The following EBF1 variants were observed in gnomAD, a reference collection of about 807,000 sequenced individuals.
EBF1 encodes the protein transcription factor COE1.
In EBF1, 10 loss-of-function variants were observed where a neutral mutation model predicts 68.4. The observed-to-expected ratio is 0.15, with a 90% CI of 0.09 to 0.25. The LOEUF (loss-of-function observed/expected upper bound fraction) is 0.25, where lower values mean the gene tolerates loss of function less well. Among genes scored for constraint, EBF1 ranks in the 10% least tolerant of loss-of-function variants. The pLI is 1.00. For missense variants in EBF1, 509 were observed against 794.4 expected, an observed-to-expected ratio of 0.64 and a Z score of 4.32; for synonymous variants, 298 against 299.8, an observed-to-expected ratio of 0.99 and a Z score of 0.06.
At chr5:158,935,322 C>G (rs1811757290) in intron 6 of EBF1, among the ~76,000 whole-genome samples, 2 of 152,162 alleles carry the variant, frequency 1.3e-5, no homozygotes, top group Admixed American at 6.5e-5. Context: ...CCAGAGGCAC[C>G]AAGGAGCTGA....
chr5:158,801,481 GA>G (rs1483321611), intron 8 of EBF1, among the ~76,000 whole-genome samples: 1 of 151,980 alleles, frequency 6.6e-6, no homozygotes, highest in Non-Finnish European at 1.5e-5. Context: ...CGTGCTGGGG[GA>G]ATTGCTGAGA....
chr5:159,071,523 GCCA>G (rs1458840468), intron 6 of EBF1, among the ~76,000 whole-genome samples: 2 of 152,182 alleles, frequency 1.3e-5, no homozygotes, highest in Non-Finnish European at 2.9e-5. Flanking sequence ...AACAATAGAA[GCCA>G]CACTAATGCA....
intron 14 of EBF1, 147 bp downstream of exon 14, chr5:158,712,007 T>C: frequency 1.1e-6 from 1 of 921,812 alleles, no homozygotes; most frequent in Non-Finnish European, 1.6e-6. Context: ...CGATGGTGCC[T>C]TTAGCACCAT....
chr5:158,862,653 A>G (rs1795165756), intron 6 of EBF1, among the ~76,000 whole-genome samples: 1 of 152,206 alleles, frequency 6.6e-6, no homozygotes, highest in Non-Finnish European at 1.5e-5. Flanking sequence ...CCACCAAGAT[A>G]CCATGTCCAA....
At chr5:158,944,726 A>C (rs1241733098) in intron 6 of EBF1, among the ~76,000 whole-genome samples, 1 of 152,134 alleles carries the variant, frequency 6.6e-6, no homozygotes. Flanking sequence ...CCTCTCCACC[A>C]TCTGTTGTTT....
intron 8 of EBF1, among the ~76,000 whole-genome samples, chr5:158,807,205 G>A (rs1781745634): frequency 6.6e-6 from 1 of 152,118 alleles, no homozygotes; most frequent in Non-Finnish European, 1.5e-5. Flanking sequence ...ACTAGGAACT[G>A]TGCTAGGAAC....
At chr5:158,884,298 C>T (rs1799550266) in intron 6 of EBF1, among the ~76,000 whole-genome samples, 1 of 152,028 alleles carries the variant, frequency 6.6e-6, no homozygotes, top group South Asian at 2.1e-4. Context: ...AGAGAGATCT[C>T]GGTTTATTCC....
chr5:158,844,164 A>G (rs540944088), intron 6 of EBF1, among the ~76,000 whole-genome samples: 1 of 150,196 alleles, frequency 6.7e-6, no homozygotes, highest in Non-Finnish European at 1.5e-5. Context: ...CCTGACCAGG[A>G]TCAAACTCCT....
At position 158,793,193 on chromosome 5, in the gene EBF1, C is replaced by T. The variant is rs573027393; in HGVS notation, c.909+3152G>A. ...GGTGAGAATCCCACAAGAGCACTAC[C>T]AAACATTTATCATATTGCCTGGCAG... On this transcript the variant is annotated intron_variant, in intron 9 of 15. Coordinates refer to ENST00000313708, the MANE Select transcript of EBF1 (RefSeq NM_024007.5). 3.3e-5 allele frequency among the ~76,000 whole-genome samples: 5 copies of T among 152,248 alleles called. No homozygotes were observed. The South Asian group carries it at 1.0e-3, about 32-fold the overall frequency.
At chr5:158,724,979 G>A (rs1311745749) in intron 11 of EBF1, among the ~76,000 whole-genome samples, 1 of 152,190 alleles carries the variant, frequency 6.6e-6, no homozygotes, top group Non-Finnish European at 1.5e-5. Flanking sequence ...GCCAGCAGAG[G>A]TGAAAATGAT....
At chr5:158,731,250 C>T in intron 10 of EBF1, 93 bp from the exon 11 acceptor site, 1 of 1,198,360 alleles carries the variant, frequency 8.3e-7, no homozygotes, top group Non-Finnish European at 1.2e-6. Flanking sequence ...ACCAGGAAGT[C>T]CAAAGTTTAA....
intron 6 of EBF1, among the ~76,000 whole-genome samples, chr5:159,041,402 T>C (rs1262919830): frequency 1.3e-5 from 2 of 152,220 alleles, no homozygotes; most frequent in Non-Finnish European, 2.9e-5. Flanking sequence ...TTTAAGGGAA[T>C]ATATATACTT....
chr5:158,837,568 T>C (rs960719784), intron 7 of EBF1, among the ~76,000 whole-genome samples: 2 of 152,232 alleles, frequency 1.3e-5, no homozygotes, highest in African/African-American at 4.8e-5. Flanking sequence ...CTCAGCAGCC[T>C]TTCTACTAAA....
intron 6 of EBF1, among the ~76,000 whole-genome samples, chr5:158,888,198 T>C (rs961723001): frequency 6.6e-6 from 1 of 152,186 alleles, no homozygotes; most frequent in Non-Finnish European, 1.5e-5. Flanking sequence ...TTTTCCGTTT[T>C]TCCTAGTTGG....
At chr5:158,892,563 C>A (rs1253673729) in intron 6 of EBF1, among the ~76,000 whole-genome samples, 2 of 152,172 alleles carry the variant, frequency 1.3e-5, no homozygotes, top group Non-Finnish European at 2.9e-5. Flanking sequence ...CCACTCCTGG[C>A]CTCATGCGAT....
chr5:158,983,624 A>G (rs1020849254), intron 6 of EBF1: 10 of 152,250 alleles, frequency 6.6e-5, no homozygotes, highest in African/African-American at 2.2e-4. Context: ...AATGTATCAA[A>G]TAGCATTGAC....
Position 158,775,783 on chromosome 5 carries a change from GACACACACACACAC to G in EBF1, c.1036+1616_1036+1629del, listed in dbSNP as rs58752245. On this transcript the variant is annotated intron_variant, in intron 10 of 15. Coordinates refer to ENST00000313708, the MANE Select transcript of EBF1 (RefSeq NM_024007.5). Reference sequence around the variant, plus strand: ...ACACACACACACACACATGCACACAGACACACACACACACACACACACACACACACACACACACA... The same window carrying G: ...ACACACACACACACACATGCACACAGACACACACACACACACACACACACA... 1.9e-3 allele frequency among the ~76,000 whole-genome samples: 247 copies of G among 129,602 alleles called. 1 individual carries two copies. Among genetic ancestry groups the G allele is most frequent in the African/African-American group, 5.6e-3 (190 of 33,850 alleles). 85.0% of individuals were successfully genotyped at this position (129,602 alleles called of 152,430 possible).
chr5:159,041,166 GCCT>G (rs2127775680), intron 6 of EBF1, among the ~76,000 whole-genome samples: 1 of 152,292 alleles, frequency 6.6e-6, no homozygotes, highest in Non-Finnish European at 1.5e-5. Context: ...AATCCCCAAT[GCCT>G]TAATAAACTA....
intron 6 of EBF1, among the ~76,000 whole-genome samples, chr5:158,862,732 C>A (rs912212706): frequency 6.6e-6 from 1 of 151,924 alleles, no homozygotes; most frequent in Admixed American, 6.6e-5. Flanking sequence ...TTATATCCTC[C>A]CTGAGAAACT....
Sources: gnomAD v4.1 joint callset for allele counts (sites outside exome capture counted in the v4.1 genomes callset) on GRCh38, gnomAD v4.1.1 for gene constraint, MANE v1.5 for transcripts, NCBI Gene and HGNC (gene_info 2026-07-23, HGNC 2026-07-21) for gene names.